BCAT1: variants seen among roughly 807,000 people sequenced by gnomAD.
BCAT1 encodes the protein branched-chain-amino-acid aminotransferase, cytosolic.
Under a neutral mutation model 52.4 loss-of-function variants are expected in BCAT1, and 48 were observed. The observed-to-expected ratio is 0.92, with a 90% CI of 0.73 to 1.16. BCAT1 has a LOEUF of 1.16. BCAT1 is among the 50% of genes most tolerant of loss of function. The probability of loss-of-function intolerance (pLI) is 0.00; values close to 1 mark genes in which losing one functional copy is unlikely to be tolerated. For missense variants in BCAT1, 451 were observed against 457.1 expected (o/e 0.99, Z 0.12); for synonymous variants, 167 against 161.3 (o/e 1.04, Z -0.27).
chr12:24,829,935 T>G, intron 9 of BCAT1, 38 bp from the exon 10 acceptor site: 1 of 1,481,360 alleles, frequency 6.8e-7, no homozygotes, highest in Non-Finnish European at 9.3e-7. Context: ...TTGAGGGTAC[T>G]CATGTATATG....
intron 1 of BCAT1, among the ~76,000 whole-genome samples, chr12:24,934,834 G>T (rs2047555): frequency 0.16 from 24,452 of 152,086 alleles, 2,671 homozygotes; most frequent in South Asian, 0.37. Context: ...ATTACAGGGG[G>T]ATACAAATTT....
Position 24,836,915 on chromosome 12 carries a change from A to AG in BCAT1, c.818-320_818-319insC, listed in dbSNP as rs1491468558. 2.4e-4 allele frequency among the ~76,000 whole-genome samples: 11 copies of AG among 45,144 alleles called. 1 individual carries two copies. The highest frequency in any genetic ancestry group is 6.4e-4 in the African/African-American group (11 of 17,248). The allele number at this position is 45,144 out of a possible 152,430, so 29.6% of individuals were successfully genotyped here. On this transcript the variant is annotated intron_variant, in intron 7 of 10. Transcript: ENST00000261192. ...AAAGAAAGAAAAGAAAGAGAGAAAG[A>AG]AAGAAAGAAAGAAAGAAAGAAAGAA...
At chr12:24,884,516 T>A (rs890581557) in intron 3 of BCAT1, among the ~76,000 whole-genome samples, 5 of 152,224 alleles carry the variant, frequency 3.3e-5, no homozygotes, top group Non-Finnish European at 7.3e-5. Flanking sequence ...AAATGATAAA[T>A]ATGTTCAGTG....
At chr12:24,885,781 G>A (rs1246976958) in intron 3 of BCAT1, among the ~76,000 whole-genome samples, 1 of 152,058 alleles carries the variant, frequency 6.6e-6, no homozygotes, top group Non-Finnish European at 1.5e-5. Flanking sequence ...CATATCAGAG[G>A]GGAAAGTACC....
chr12:24,827,583 G>A (rs936219006), intron 10 of BCAT1, among the ~76,000 whole-genome samples: 2 of 152,196 alleles, frequency 1.3e-5, no homozygotes, highest in African/African-American at 2.4e-5. Flanking sequence ...CTTGAGGCTA[G>A]GAGTTTGAGA....
At position 24,812,015 on chromosome 12, in the gene BCAT1, C is replaced by T. The variant is rs1939702953; in HGVS notation, c.*5993G>A. 6.6e-6 allele frequency: 1 copy of T among 152,098 alleles called. No individual in the cohort carries two copies. Among genetic ancestry groups the T allele is most frequent in the Non-Finnish European group, 1.5e-5 (1 of 67,954 alleles). The allele number at this position is 152,098 out of a possible 1,614,324, so 9.4% of individuals were successfully genotyped here. On this transcript the variant is annotated 3_prime_UTR_variant, in exon 11 of 11. Coordinates refer to ENST00000261192, the MANE Select transcript of BCAT1 (RefSeq NM_005504.7). ...AGCTAGGTATATTGTGGGATTATTCCTTGTTAAGTCACCCCAGGAAACATT... is the reference window on the plus strand; with the variant it reads ...AGCTAGGTATATTGTGGGATTATTCTTTGTTAAGTCACCCCAGGAAACATT...
intron 1 of BCAT1, among the ~76,000 whole-genome samples, chr12:24,905,231 T>C (rs1303620041): frequency 6.6e-6 from 1 of 152,220 alleles, no homozygotes; most frequent in Non-Finnish European, 1.5e-5. Context: ...GGTAAAAGCC[T>C]GACTGTCATA....
At chr12:24,821,339 G>A (rs980471228) in intron 10 of BCAT1, among the ~76,000 whole-genome samples, 7 of 152,232 alleles carry the variant, frequency 4.6e-5, no homozygotes, top group Admixed American at 1.3e-4. Context: ...TGCTTCAGAT[G>A]TCCATCTCTG....
chr12:24,864,725 A>G (rs1002168257), intron 5 of BCAT1, among the ~76,000 whole-genome samples: 11 of 152,312 alleles, frequency 7.2e-5, no homozygotes, highest in African/African-American at 2.4e-4. Context: ...CCCACTGTGC[A>G]GCAGAATTCC....
At chr12:24,874,088 C>G (rs1942259230) in intron 5 of BCAT1, among the ~76,000 whole-genome samples, 1 of 152,006 alleles carries the variant, frequency 6.6e-6, no homozygotes, top group African/African-American at 2.4e-5. Context: ...CCGAGGTGGG[C>G]AGAACACCTG....
chr12:24,859,018 T>C (rs1366234135), intron 5 of BCAT1, among the ~76,000 whole-genome samples: 1 of 152,234 alleles, frequency 6.6e-6, no homozygotes, highest in Non-Finnish European at 1.5e-5. Context: ...AACAGGGTTT[T>C]CTTAGAGCAT....
At chr12:24,857,113 G>T (rs937991734) in intron 5 of BCAT1, among the ~76,000 whole-genome samples, 6 of 152,212 alleles carry the variant, frequency 3.9e-5, no homozygotes, top group Non-Finnish European at 7.3e-5. Flanking sequence ...CTATTTCACA[G>T]TGGTGGCCTG....
chr12:24,893,908 C>G (rs1942899781), intron 3 of BCAT1, among the ~76,000 whole-genome samples: 5 of 152,150 alleles, frequency 3.3e-5, no homozygotes, highest in Non-Finnish European at 7.4e-5. Context: ...GCATTAAAAT[C>G]AAATCATAAT....
chr12:24,858,709 T>C (rs1313627771), intron 5 of BCAT1, among the ~76,000 whole-genome samples: 3 of 152,234 alleles, frequency 2.0e-5, no homozygotes, highest in Non-Finnish European at 2.9e-5. Flanking sequence ...AGAGTTAACA[T>C]TGTAGCACAT....
intron 5 of BCAT1, among the ~76,000 whole-genome samples, chr12:24,862,520 T>C (rs1941873063): frequency 6.6e-6 from 1 of 152,234 alleles, no homozygotes; most frequent in African/African-American, 2.4e-5. Context: ...CACCTTTTGA[T>C]GTATAGGCCC....
intron 1 of BCAT1, among the ~76,000 whole-genome samples, chr12:24,932,623 T>C (rs1027965465): frequency 1.3e-5 from 2 of 152,234 alleles, no homozygotes; most frequent in Non-Finnish European, 2.9e-5. Context: ...GACCCTGTTA[T>C]AAGTGCTTTA....
At chr12:24,868,876 G>A (rs1942100212) in intron 5 of BCAT1, among the ~76,000 whole-genome samples, 1 of 152,172 alleles carries the variant, frequency 6.6e-6, no homozygotes, top group Non-Finnish European at 1.5e-5. Context: ...CACAGACTGG[G>A]AAACTATTTG....
chr12:24,819,436 T>C (rs954226802), intron 10 of BCAT1, among the ~76,000 whole-genome samples: 1 of 152,202 alleles, frequency 6.6e-6, no homozygotes, highest in African/African-American at 2.4e-5. Flanking sequence ...CTCTGGATTT[T>C]ACTTCTTTAC....
intron 6 of BCAT1, among the ~76,000 whole-genome samples, chr12:24,844,917 A>G (rs1941297107): frequency 1.5e-5 from 2 of 133,012 alleles, no homozygotes; most frequent in Non-Finnish European, 3.2e-5. Context: ...AAAAAAAAAA[A>G]GAGTCCTTAA....
Sources: allele counts gnomAD v4.1 joint callset (sites outside exome capture counted in the v4.1 genomes callset), GRCh38; gene constraint gnomAD v4.1.1; transcripts MANE v1.5; gene names NCBI Gene and HGNC (gene_info 2026-07-23, HGNC 2026-07-21).